The following AKAP6 variants were observed in gnomAD, a reference collection of about 807,000 sequenced individuals.
The protein encoded by AKAP6 is A-kinase anchoring protein 6, also known as A-kinase anchor protein 6.
In AKAP6, 58 loss-of-function variants were observed where a neutral mutation model predicts 188.5. The observed-to-expected ratio is 0.31, with a 90% CI of 0.25 to 0.38. The LOEUF (loss-of-function observed/expected upper bound fraction) is 0.38. AKAP6 is among the 10% of genes least tolerant of loss of function. The probability of loss-of-function intolerance (pLI) is 1.00; values close to 1 mark genes in which losing one functional copy is unlikely to be tolerated. For missense variants in AKAP6, 2,710 were observed against 2,740.0 expected (o/e 0.99, Z 0.24); for synonymous variants, 989 against 998.6 (o/e 0.99, Z 0.18).
chr14:32,527,211 G>C (rs1377508183), intron 2 of AKAP6, among the ~76,000 whole-genome samples: 4 of 152,124 alleles, frequency 2.6e-5, no homozygotes, highest in African/African-American at 9.7e-5. Context: ...TTTTCAGATT[G>C]ACTTCTTTCA....
intron 1 of AKAP6, among the ~76,000 whole-genome samples, chr14:32,375,662 A>G (rs1888135784): frequency 6.6e-6 from 1 of 152,208 alleles, no homozygotes; most frequent in African/African-American, 2.4e-5. Flanking sequence ...TTTGTCAGGT[A>G]TGATAAGTAG....
intron 12 of AKAP6, among the ~76,000 whole-genome samples, chr14:32,790,913 C>A (rs151087925): frequency 1.4e-3 from 218 of 152,246 alleles, no homozygotes; most frequent in African/African-American, 4.9e-3. Context: ...GTGATGATTT[C>A]CACCTTCTTT....
At chr14:32,638,643 T>G (rs1887621467) in intron 7 of AKAP6, among the ~76,000 whole-genome samples, 1 of 152,078 alleles carries the variant, frequency 6.6e-6, no homozygotes, top group African/African-American at 2.4e-5. Flanking sequence ...CTTTCTTTTT[T>G]TCTTTCTCTT....
At chr14:32,439,187 G>A (rs1890485730) in intron 2 of AKAP6, among the ~76,000 whole-genome samples, 1 of 152,204 alleles carries the variant, frequency 6.6e-6, no homozygotes, top group African/African-American at 2.4e-5. Flanking sequence ...AGATGTCTGG[G>A]ACATCTGAAG....
At chr14:32,741,819 GT>G (rs34015837) in intron 11 of AKAP6, among the ~76,000 whole-genome samples, 4,636 of 70,498 alleles carry the variant, frequency 0.066, 59 homozygotes, top group East Asian at 0.11. Context: ...TAGCCTGTAG[GT>G]TTTTTTTTTT....
In AKAP6 at chr14:32,615,591, C is replaced by CTTTTTTTTTTTTTTTTTT. The variant is rs779867395; in HGVS notation, c.2730+14804_2730+14821dup. Among the ~76,000 whole-genome samples the CTTTTTTTTTTTTTTTTTT allele has an allele frequency of 8.7e-5, 10 of 115,264 alleles. 1 individual carries two copies. Among genetic ancestry groups the CTTTTTTTTTTTTTTTTTT allele is most frequent in the African/African-American group, 3.8e-4 (10 of 26,052 alleles). The allele number at this position is 115,264 out of a possible 152,430, so 75.6% of individuals were successfully genotyped here. The stretch of plus-strand genomic sequence containing the variant: ...TGTTTCCCCCAATGCTAAACCATTA[C>CTTTTTTTTTTTTTTTTTT]TTTTTTTTTTTTTTTTTTTTTTGAG... On this transcript the variant is annotated intron_variant, in intron 7 of 13. Coordinates refer to ENST00000280979, the MANE Select transcript of AKAP6 (RefSeq NM_004274.5).
In AKAP6 at chr14:32,621,922, A is replaced by G. The variant is rs753881956; in HGVS notation, c.2730+21130A>G. On this transcript the variant is annotated intron_variant, in intron 7 of 13. Transcript: ENST00000280979. ...CTAATACTCTAATTTTTAAACACTT[A>G]ATTTTCATTTAAGTATTATAATTGT... Among the ~76,000 whole-genome samples, 48 of 152,134 alleles carry G rather than the reference A, an allele frequency of 3.2e-4. 1 individual carries two copies. The highest frequency in any genetic ancestry group is 1.8e-3 in the Admixed American group (28 of 15,254).
At chr14:32,792,433 G>A (rs1169462831) in intron 12 of AKAP6, among the ~76,000 whole-genome samples, 2 of 152,154 alleles carry the variant, frequency 1.3e-5, no homozygotes, top group Non-Finnish European at 2.9e-5. Context: ...TAGTATTGGT[G>A]TATAGGAATG....
intron 2 of AKAP6, among the ~76,000 whole-genome samples, chr14:32,520,963 C>T (rs1196947181): frequency 2.6e-5 from 4 of 152,178 alleles, no homozygotes; most frequent in Non-Finnish European, 5.9e-5. Context: ...CAAACCGAAT[C>T]CAGCAGCACA....
Position 32,831,642 on chromosome 14 carries a change from AC to A in AKAP6, c.*1838del, listed in dbSNP as rs1266515522. On this transcript the variant is annotated 3_prime_UTR_variant, in exon 14 of 14. Coordinates refer to ENST00000280979, the MANE Select transcript of AKAP6 (RefSeq NM_004274.5). ...GCTGTCCTGCATTAGGAACAAGTGA[AC>A]ACGCAAATGACATGAAGTATTTGTT... The A allele has an allele frequency of 3.2e-4, 48 of 152,368 alleles. No homozygotes were observed. Among genetic ancestry groups the A allele is most frequent in the African/African-American group, 1.0e-3 (43 of 41,582 alleles). 9.4% of individuals were successfully genotyped at this position (152,368 alleles called of 1,614,324 possible). A position where few individuals can be genotyped will look rare whatever the true frequency, so the allele number is the denominator to read the frequency against.
chr14:32,443,204 G>A (rs879633248), intron 2 of AKAP6, among the ~76,000 whole-genome samples: 3 of 151,990 alleles, frequency 2.0e-5, no homozygotes, highest in Non-Finnish European at 2.9e-5. Flanking sequence ...GACCAGCCTG[G>A]CCAAGATGGT....
chr14:32,447,159 G>A (rs1299963248), intron 2 of AKAP6, among the ~76,000 whole-genome samples: 1 of 152,110 alleles, frequency 6.6e-6, no homozygotes, highest in Admixed American at 6.5e-5. Flanking sequence ...TGCACACTCA[G>A]CCTGCACTGC....
At chr14:32,391,412 A>G (rs1298862335) in intron 1 of AKAP6, among the ~76,000 whole-genome samples, 1 of 152,160 alleles carries the variant, frequency 6.6e-6, no homozygotes, top group East Asian at 1.9e-4. Context: ...CTGGAAGTTC[A>G]TATCCTTTTT....
At chr14:32,627,303 T>G (rs1887063937) in intron 7 of AKAP6, among the ~76,000 whole-genome samples, 1 of 152,134 alleles carries the variant, frequency 6.6e-6, no homozygotes, top group African/African-American at 2.4e-5. Flanking sequence ...AATTGGGGTA[T>G]CTCATATATC....
intron 11 of AKAP6, among the ~76,000 whole-genome samples, chr14:32,740,169 T>C (rs1469863247): frequency 1.3e-5 from 2 of 152,130 alleles, no homozygotes; most frequent in Admixed American, 1.3e-4. Context: ...CATTTGTATG[T>C]CTTCTTTTGA....
intron 2 of AKAP6, among the ~76,000 whole-genome samples, chr14:32,514,444 G>T (rs1325873926): frequency 6.6e-6 from 1 of 152,152 alleles, no homozygotes; most frequent in Non-Finnish European, 1.5e-5. Flanking sequence ...TAGATAAAAA[G>T]TACATCTAAG....
At chr14:32,517,946 G>C (rs1450350321) in intron 2 of AKAP6, among the ~76,000 whole-genome samples, 1 of 152,230 alleles carries the variant, frequency 6.6e-6, no homozygotes, top group African/African-American at 2.4e-5. Flanking sequence ...ACACGTCCCA[G>C]AAGGGGCCGA....
At chr14:32,576,452 G>C (rs557675621) in intron 4 of AKAP6, among the ~76,000 whole-genome samples, 6 of 152,120 alleles carry the variant, frequency 3.9e-5, no homozygotes, top group Non-Finnish European at 7.4e-5. Flanking sequence ...CAAGGTTATT[G>C]TGATTTGTGC....
chr14:32,728,434 G>A (rs1594888119), intron 9 of AKAP6, among the ~76,000 whole-genome samples: 3 of 151,502 alleles, frequency 2.0e-5, no homozygotes, highest in Middle Eastern at 3.4e-3. Flanking sequence ...ATGGGAAAGG[G>A]GATCTTGCTG....
Sources: allele counts gnomAD v4.1 joint callset (sites outside exome capture counted in the v4.1 genomes callset), GRCh38; gene constraint gnomAD v4.1.1; transcripts MANE v1.5; gene names NCBI Gene and HGNC (gene_info 2026-07-23, HGNC 2026-07-21).